The following PDE4D variants were observed in gnomAD, a reference collection of about 807,000 sequenced individuals.
PDE4D encodes the protein 3',5'-cyclic-AMP phosphodiesterase 4D.
PDE4D carries 24 observed loss-of-function variants against 87.4 expected under a neutral mutation model. The observed-to-expected ratio is 0.27, with a 90% CI of 0.20 to 0.39. The LOEUF (loss-of-function observed/expected upper bound fraction) is 0.39, where lower values mean the gene tolerates loss of function less well. Among genes scored for constraint, PDE4D ranks in the 10% least tolerant of loss-of-function variants. The probability of loss-of-function intolerance (pLI) is 1.00; values close to 1 mark genes in which losing one functional copy is unlikely to be tolerated. For missense variants in PDE4D, 714 were observed against 1,041.0 expected, an observed-to-expected ratio of 0.69 and a Z score of 4.32; for synonymous variants, 384 against 383.2, an observed-to-expected ratio of 1.00 and a Z score of -0.02.
chr5:60,452,927 C>G (rs758359561), intron 1 of PDE4D, among the ~76,000 whole-genome samples: 1 of 152,082 alleles, frequency 6.6e-6, no homozygotes, highest in Non-Finnish European at 1.5e-5. Flanking sequence ...TGTGAGAAAG[C>G]TAGGTTCAAA....
rs142729990 is a variant in PDE4D at position 59,923,449 on chromosome 5, G to C, written c.272+65039C>G. Among the ~76,000 whole-genome samples, 178 of 152,340 alleles carry C rather than the reference G, an allele frequency of 1.2e-3. 1 individual carries two copies. The highest frequency in any genetic ancestry group is 4.1e-3 in the African/African-American group (171 of 41,574). On this transcript the variant is annotated intron_variant, in intron 3 of 16. Transcript: ENST00000502484. ...TCAGGTCTGACCCAGCGCCATCCCA[G>C]TGGTGGTGGCCACAAGGGTGCTAGT...
chr5:59,207,040 C>T (rs985848961), intron 2 of PDE4D, among the ~76,000 whole-genome samples: 50 of 151,906 alleles, frequency 3.3e-4, no homozygotes, highest in African/African-American at 1.2e-3. Flanking sequence ...AAAAAATTAG[C>T]CGGGTGTGGT....
At chr5:60,332,402 T>C (rs1257754286) in intron 1 of PDE4D, among the ~76,000 whole-genome samples, 1 of 152,184 alleles carries the variant, frequency 6.6e-6, no homozygotes, top group Non-Finnish European at 1.5e-5. Context: ...TCCAGTTACT[T>C]ATAAGCAGCT....
intron 1 of PDE4D, among the ~76,000 whole-genome samples, chr5:59,649,904 C>CTTTTATTTTTTTTTTTTTTT (rs1561402852): frequency 1.4e-5 from 1 of 73,960 alleles, no homozygotes; most frequent in African/African-American, 5.2e-5. Flanking sequence ...AGTTTGTGAA[C>CTTTTATTTTTTTTTTTTTTT]CTTTTTTTTT....
chr5:59,803,403 A>C (rs1343223822), intron 1 of PDE4D, among the ~76,000 whole-genome samples: 2 of 150,380 alleles, frequency 1.3e-5, no homozygotes, highest in Non-Finnish European at 3.0e-5. Context: ...GGTTCAAGCG[A>C]TTCTCCTGCC....
chr5:59,979,509 C>T (rs967772949), intron 3 of PDE4D, among the ~76,000 whole-genome samples: 5 of 151,094 alleles, frequency 3.3e-5, no homozygotes, highest in African/African-American at 1.2e-4. Flanking sequence ...TTCAGAACCC[C>T]CTGAGAAAAA....
chr5:59,200,075 G>GTAGACATACATGTATGCA (rs1554095846), intron 2 of PDE4D, among the ~76,000 whole-genome samples: 2 of 77,358 alleles, frequency 2.6e-5, no homozygotes, highest in Non-Finnish European at 6.2e-5. Flanking sequence ...ACACACGTAT[G>GTAGACATACATGTATGCA]CACACATACA....
intron 1 of PDE4D, among the ~76,000 whole-genome samples, chr5:60,478,857 T>G (rs577760372): frequency 3.3e-5 from 5 of 152,318 alleles, no homozygotes; most frequent in Admixed American, 3.3e-4. Flanking sequence ...TATATTCTTT[T>G]CCATAAACAT....
At chr5:59,193,841 G>C in intron 2 of PDE4D, 6 of 957,950 alleles carry the variant, frequency 6.3e-6, no homozygotes, top group Non-Finnish European at 7.5e-6. Flanking sequence ...TGGGGCCTGA[G>C]TTTTACTTTT....
chr5:59,609,687 A>G (rs1336012675), intron 1 of PDE4D, among the ~76,000 whole-genome samples: 2 of 152,064 alleles, frequency 1.3e-5, no homozygotes, highest in Non-Finnish European at 2.9e-5. Context: ...TAAGCAACTG[A>G]GCTTTTGGTG....
intron 2 of PDE4D, among the ~76,000 whole-genome samples, chr5:60,054,718 T>C (rs778914395): frequency 4.6e-5 from 7 of 151,932 alleles, no homozygotes; most frequent in Non-Finnish European, 1.0e-4. Context: ...AGGATAGTCA[T>C]CAAGAGTTCA....
rs922416968 is a variant in PDE4D at position 59,805,144 on chromosome 5, G to T, written c.455+88024C>A. Among the ~76,000 whole-genome samples, 39 of 152,260 alleles carry T rather than the reference G, an allele frequency of 2.6e-4. 1 individual carries two copies. The highest frequency in any genetic ancestry group is 8.2e-4 in the African/African-American group (34 of 41,536). ...ATTTGAAACAGAAGACTTTCAAAAT[G>T]TATGTAATGACCCTGTGTGTATTCC... On this transcript the variant is annotated intron_variant, in intron 1 of 14. Coordinates refer to ENST00000340635, the MANE Select transcript of PDE4D (RefSeq NM_001104631.2).
intron 1 of PDE4D, among the ~76,000 whole-genome samples, chr5:59,274,451 G>T (rs986310771): frequency 6.6e-6 from 1 of 151,996 alleles, no homozygotes; most frequent in East Asian, 1.9e-4. Flanking sequence ...TATTTTGCTG[G>T]CCTGTTTTCC....
chr5:59,736,421 A>G (rs1758071358), intron 1 of PDE4D, among the ~76,000 whole-genome samples: 1 of 152,098 alleles, frequency 6.6e-6, no homozygotes, highest in South Asian at 2.1e-4. Context: ...GCACACTCTT[A>G]TAATCCCAGC....
At chr5:60,063,015 G>A (rs757072617) in intron 2 of PDE4D, among the ~76,000 whole-genome samples, 19 of 150,792 alleles carry the variant, frequency 1.3e-4, no homozygotes, top group South Asian at 1.0e-3. Context: ...GCAAATCATC[G>A]TGACACACAT....
intron 1 of PDE4D, among the ~76,000 whole-genome samples, chr5:59,649,933 A>G (rs1251380452): frequency 0.012 from 93 of 7,686 alleles, 1 homozygote; most frequent in African/African-American, 0.035. Context: ...TTTTTTTTTT[A>G]GCAATGACCC....
chr5:60,304,288 G>C (rs1296685344), intron 1 of PDE4D: 1 of 152,170 alleles, frequency 6.6e-6, no homozygotes, highest in East Asian at 1.9e-4. Flanking sequence ...AGGGGAGAGA[G>C]GCCCGTAAAG....
rs553783433 is a variant in PDE4D, at chr5:59,320,612, G to A, written c.456-104644C>T. 1.7e-4 allele frequency among the ~76,000 whole-genome samples: 26 copies of A among 152,192 alleles called. 1 individual carries two copies. The East Asian group carries it at 4.8e-3, about 28-fold the overall frequency. ...AAAACTTTAAATGAACTACTATATT[G>A]TCAATCATTGCTTTAAAATCTCAAA... On this transcript the variant is annotated intron_variant, in intron 1 of 14. Coordinates refer to ENST00000340635, the MANE Select transcript of PDE4D (RefSeq NM_001104631.2).
intron 1 of PDE4D, among the ~76,000 whole-genome samples, chr5:59,437,367 G>A (rs1444510933): frequency 6.6e-6 from 1 of 152,130 alleles, no homozygotes; most frequent in African/African-American, 2.4e-5. Flanking sequence ...TAGTCTACTT[G>A]CCAAGATACA....
Sources: allele counts gnomAD v4.1 joint callset (sites outside exome capture counted in the v4.1 genomes callset), GRCh38; gene constraint gnomAD v4.1.1; transcripts MANE v1.5; gene names NCBI Gene and HGNC (gene_info 2026-07-23, HGNC 2026-07-21).